The following MAP4K3 variants were observed in gnomAD, a reference collection of about 807,000 sequenced individuals.
MAP4K3 encodes the protein MAPK/ERK kinase kinase kinase 3.
In MAP4K3, 94 loss-of-function variants were observed where a neutral mutation model predicts 143.5. That is an observed-to-expected ratio of 0.65 (90% CI 0.55 to 0.78). The LOEUF (loss-of-function observed/expected upper bound fraction) is 0.78, where lower values mean the gene tolerates loss of function less well. MAP4K3 is among the 30% of genes least tolerant of loss of function. MAP4K3 has a pLI of 0.00. For synonymous variants in MAP4K3, 416 were observed against 347.2 expected, an observed-to-expected ratio of 1.20 and a Z score of -2.20; for missense variants, 1,077 against 1,068.1, an observed-to-expected ratio of 1.01 and a Z score of -0.12.
In MAP4K3 at chr2:39,430,718, T is replaced by C. The variant is rs1665258518; in HGVS notation, c.96+6174A>G. Among the ~76,000 whole-genome samples the C allele has an allele frequency of 2.0e-5, 3 of 152,170 alleles. No homozygotes were observed. In the South Asian group the frequency reaches 6.2e-4, roughly 32 times the overall value. On this transcript the variant is annotated intron_variant, in intron 1 of 33. Transcript: ENST00000263881. ...GGGTATTTAGTTCAAAATGACGGAG[T>C]ATCTTCATATGCATATAACAATTAT...
intron 2 of MAP4K3, among the ~76,000 whole-genome samples, chr2:39,369,228 C>T (rs1666015053): frequency 1.0e-3 from 2 of 1,960 alleles, no homozygotes; most frequent in South Asian, 0.014. Flanking sequence ...TGCAGTTTTG[C>T]TCTGTCACCC....
At chr2:39,369,260 A>G (rs1666016088) in intron 2 of MAP4K3, among the ~76,000 whole-genome samples, 1 of 126,062 alleles carries the variant, frequency 7.9e-6, no homozygotes, top group Admixed American at 9.9e-5. Context: ...CAGTGGTGTG[A>G]TCTTGGCTCA....
chr2:39,266,468 G>A (rs146383444), intron 27 of MAP4K3, among the ~76,000 whole-genome samples: 3 of 152,234 alleles, frequency 2.0e-5, no homozygotes, highest in East Asian at 1.9e-4. Context: ...TAAGCGAATA[G>A]TCAGCATTTA....
At chr2:39,377,383 T>C (rs1039733241) in intron 2 of MAP4K3, among the ~76,000 whole-genome samples, 3 of 152,048 alleles carry the variant, frequency 2.0e-5, no homozygotes, top group Non-Finnish European at 4.4e-5. Context: ...AGCACAATTA[T>C]AGACTTGCTT....
intron 1 of MAP4K3, among the ~76,000 whole-genome samples, chr2:39,388,208 T>C (rs1445334742): frequency 1.3e-5 from 2 of 152,242 alleles, no homozygotes; most frequent in South Asian, 2.1e-4. Context: ...ATAGAAGCAA[T>C]AGCAGCAGCA....
At chr2:39,316,267 T>C (rs1036038875) in intron 12 of MAP4K3, among the ~76,000 whole-genome samples, 6 of 152,112 alleles carry the variant, frequency 3.9e-5, no homozygotes, top group Non-Finnish European at 8.8e-5. Flanking sequence ...ATGTCCAATA[T>C]AAGATTTGTC....
chr2:39,265,935 T>C (rs531580772), intron 27 of MAP4K3, among the ~76,000 whole-genome samples: 2 of 152,082 alleles, frequency 1.3e-5, no homozygotes, highest in African/African-American at 2.4e-5. Context: ...GTAAATATAT[T>C]TGGAATAAAG....
chr2:39,342,042 T>C (rs1665154385), intron 4 of MAP4K3, among the ~76,000 whole-genome samples: 1 of 151,878 alleles, frequency 6.6e-6, no homozygotes, highest in Non-Finnish European at 1.5e-5. Flanking sequence ...TGATCACACA[T>C]GAGTCACACC....
rs72923494 is a variant in MAP4K3 at position 39,258,471 on chromosome 2, G to A, written c.2378-31C>T. Reference sequence around the variant, plus strand: ...GGAAAAAAAGTCACTCAGAAACTAAGATAAAAGAAGTCTTATTAAAGTAAG... The same window carrying A: ...GGAAAAAAAGTCACTCAGAAACTAAAATAAAAGAAGTCTTATTAAAGTAAG... On this transcript the variant is annotated intron_variant, in intron 30 of 33. Coordinates refer to ENST00000263881, the MANE Select transcript of MAP4K3 (RefSeq NM_003618.4). 23,156 of 1,599,752 alleles carry A rather than the reference G, an allele frequency of 0.014. 2,944 individuals carry two copies. In the African/African-American group the frequency reaches 0.27, roughly 19 times the overall value.
intron 5 of MAP4K3, 75 bp from the exon 6 acceptor site, chr2:39,337,042 G>T (rs761076896): frequency 2.9e-6 from 2 of 698,382 alleles, no homozygotes. Flanking sequence ...GTAATCAAAT[G>T]GGTAGTATTC....
chr2:39,325,997 T>G (rs141493857), intron 9 of MAP4K3, 36 bp from the exon 10 acceptor site: 1 of 1,532,408 alleles, frequency 6.5e-7, no homozygotes, highest in Non-Finnish European at 8.9e-7. Context: ...AGCATTTTAA[T>G]ATTTCACATT....
chr2:39,365,361 T>A (rs1665891072), intron 2 of MAP4K3, among the ~76,000 whole-genome samples: 1 of 152,238 alleles, frequency 6.6e-6, no homozygotes, highest in East Asian at 1.9e-4. Flanking sequence ...TGGAATGCCC[T>A]TGGCTGAGGA....
rs973266590 is a variant in MAP4K3 at position 39,315,684 on chromosome 2, G to A, written c.919-296C>T. On this transcript the variant is annotated intron_variant, in intron 12 of 33. Coordinates refer to ENST00000263881, the MANE Select transcript of MAP4K3 (RefSeq NM_003618.4). Reference sequence around the variant, plus strand: ...TAGTAACATATTCTTATTTGTATGTGCAACATCAGACTTGTCTAGATCCAT... The same window carrying A: ...TAGTAACATATTCTTATTTGTATGTACAACATCAGACTTGTCTAGATCCAT... 2.0e-5 allele frequency among the ~76,000 whole-genome samples: 3 copies of A among 152,030 alleles called. No homozygotes were observed. In the East Asian group the frequency reaches 5.8e-4, roughly 29 times the overall value.
chr2:39,342,006 C>T (rs1007927377), intron 4 of MAP4K3, among the ~76,000 whole-genome samples: 9 of 151,974 alleles, frequency 5.9e-5, no homozygotes, highest in Non-Finnish European at 1.0e-4. Flanking sequence ...TCTCCCTATT[C>T]GACCCCACAC....
In MAP4K3 at chr2:39,315,302, A is replaced by G; in HGVS notation, c.997+8T>C. ...TTAAATCATAAACTGTGTATAGTATATACTTACAGGTTATCTCTGAGCGTG... is the reference window on the plus strand; with the variant it reads ...TTAAATCATAAACTGTGTATAGTATGTACTTACAGGTTATCTCTGAGCGTG... On this transcript the variant is annotated splice_region_variant and intron_variant, in intron 13 of 33. Transcript: ENST00000263881. The G allele has an allele frequency of 6.4e-7, 1 of 1,551,940 alleles. No individual in the cohort carries two copies. Among genetic ancestry groups the G allele is most frequent in the South Asian group, 1.1e-5 (1 of 88,992 alleles).
chr2:39,276,154 G>A (rs1266115521), intron 24 of MAP4K3, among the ~76,000 whole-genome samples: 1 of 152,184 alleles, frequency 6.6e-6, no homozygotes. Context: ...TTACAGGCAT[G>A]AGCCACCACG....
intron 1 of MAP4K3, among the ~76,000 whole-genome samples, chr2:39,386,216 CAAG>C (rs745861964): frequency 3.3e-4 from 50 of 152,186 alleles, no homozygotes; most frequent in Non-Finnish European, 6.5e-4. Context: ...GAAGATGCAC[CAAG>C]AAGGAGGCCA....
intron 13 of MAP4K3, among the ~76,000 whole-genome samples, chr2:39,310,393 TTCCA>T (rs1343897666): frequency 6.6e-6 from 1 of 152,162 alleles, no homozygotes; most frequent in African/African-American, 2.4e-5. Flanking sequence ...TGTCCTCCAG[TTCCA>T]TCCATGTTGT....
At chr2:39,385,584 ATATATATATTC>A (rs1352349250) in intron 1 of MAP4K3, among the ~76,000 whole-genome samples, 2 of 69,040 alleles carry the variant, frequency 2.9e-5, no homozygotes, top group African/African-American at 8.3e-5. Flanking sequence ...ATATATATAT[ATATATATATTC>A]TATATATGAG....
Sources: allele counts gnomAD v4.1 joint callset (sites outside exome capture counted in the v4.1 genomes callset), GRCh38; gene constraint gnomAD v4.1.1; transcripts MANE v1.5; gene names NCBI Gene and HGNC (gene_info 2026-07-23, HGNC 2026-07-21).